The following HYCC2 variants were observed in gnomAD, a reference collection of about 807,000 sequenced individuals.
HYCC2 encodes hyccin 2.
the HYCC2 span, chr2:201,063,481 T>C: frequency 3.1e-6 from 5 of 1,591,990 alleles, no homozygotes; most frequent in Admixed American, 6.7e-5. Context: ...ATGGAAAAAT[T>C]GAAGTGATTG....
At chr2:201,055,116 G>A in the HYCC2 span, among the ~76,000 whole-genome samples, 1 of 152,170 alleles carries the variant, frequency 6.6e-6, no homozygotes, top group Non-Finnish European at 1.5e-5. Context: ...AACTGACACA[G>A]TTCATAATAA....
chr2:201,056,617 T>G, the HYCC2 span, among the ~76,000 whole-genome samples: 2 of 145,294 alleles, frequency 1.4e-5, no homozygotes, highest in African/African-American at 2.6e-5. Context: ...GAGGTTGCGG[T>G]GAGCAAAGAT....
chr2:201,070,444 G>A, the HYCC2 span, among the ~76,000 whole-genome samples: 1 of 151,968 alleles, frequency 6.6e-6, no homozygotes, highest in Non-Finnish European at 1.5e-5. Flanking sequence ...TCTGACGTCC[G>A]GAGTTCGAGA....
chr2:201,049,353 C>A, the HYCC2 span, among the ~76,000 whole-genome samples: 1 of 151,880 alleles, frequency 6.6e-6, no homozygotes, highest in South Asian at 2.1e-4. Context: ...TTTCTTTTTT[C>A]TTTTCTTTTT....
the HYCC2 span, chr2:200,977,590 T>A: frequency 6.6e-6 from 1 of 152,142 alleles, no homozygotes; most frequent in African/African-American, 2.4e-5. Context: ...GGTAGTTATG[T>A]CTGTAATCCT....
chr2:200,985,244 T>A, the HYCC2 span, among the ~76,000 whole-genome samples: 1 of 149,692 alleles, frequency 6.7e-6, no homozygotes, highest in African/African-American at 2.4e-5. Context: ...AATTTTTTTA[T>A]TTTTTTTTAT....
chr2:201,013,494 AAAAG>A, the HYCC2 span, among the ~76,000 whole-genome samples: 5 of 151,720 alleles, frequency 3.3e-5, no homozygotes, highest in South Asian at 2.1e-4. Context: ...AAAAAAAAAA[AAAAG>A]AAAGAACAGC....
the HYCC2 span, among the ~76,000 whole-genome samples, chr2:201,049,375 A>T: frequency 2.0e-5 from 3 of 151,906 alleles, no homozygotes; most frequent in Non-Finnish European, 4.4e-5. Flanking sequence ...TTTGAGACGG[A>T]GTCTCGCTCT....
At chr2:200,983,188 T>C in the HYCC2 span, among the ~76,000 whole-genome samples, 1 of 152,230 alleles carries the variant, frequency 6.6e-6, no homozygotes, top group Non-Finnish European at 1.5e-5. Flanking sequence ...AAGTAATACA[T>C]TTGCTTCTTT....
At chr2:201,036,021 G>A in the HYCC2 span, among the ~76,000 whole-genome samples, 2 of 152,104 alleles carry the variant, frequency 1.3e-5, no homozygotes, top group Non-Finnish European at 2.9e-5. Flanking sequence ...TACTGGGGGG[G>A]TGCCTCCAAA....
At chr2:200,978,453 T>A in the HYCC2 span, 1 of 144,020 alleles carries the variant, frequency 6.9e-6, no homozygotes, top group East Asian at 2.1e-4. Context: ...AATAAAATCC[T>A]CTAAGATGAA....
the HYCC2 span, among the ~76,000 whole-genome samples, chr2:201,021,137 T>C: frequency 6.6e-6 from 1 of 152,194 alleles, no homozygotes; most frequent in Non-Finnish European, 1.5e-5. Flanking sequence ...GTAACCTAAA[T>C]AGTATGTTTG....
chr2:201,001,485 A>C, the HYCC2 span, among the ~76,000 whole-genome samples: 1 of 152,346 alleles, frequency 6.6e-6, no homozygotes, highest in Middle Eastern at 3.4e-3. Context: ...GTATATCCAC[A>C]CAATGAAATA....
the HYCC2 span, chr2:200,974,586 C>T: frequency 6.6e-6 from 1 of 151,872 alleles, no homozygotes; most frequent in East Asian, 1.9e-4. Flanking sequence ...AACAAACCCC[C>T]CCAAACCCAA....
chr2:201,060,646 AT>A, the HYCC2 span, among the ~76,000 whole-genome samples: 12 of 151,946 alleles, frequency 7.9e-5, no homozygotes, highest in African/African-American at 2.9e-4. Flanking sequence ...CTACGTCTGA[AT>A]TTTTTTTACC....
chr2:201,065,470 T>C, the HYCC2 span, among the ~76,000 whole-genome samples: 1 of 152,250 alleles, frequency 6.6e-6, no homozygotes, highest in Admixed American at 6.5e-5. Context: ...CTGCAATTGT[T>C]GGCTTGTATA....
At chr2:201,068,511 T>C in the HYCC2 span, among the ~76,000 whole-genome samples, 1 of 152,128 alleles carries the variant, frequency 6.6e-6, no homozygotes, top group Non-Finnish European at 1.5e-5. Context: ...GGAATTTGTT[T>C]CCAAAATACA....
the HYCC2 span, among the ~76,000 whole-genome samples, chr2:201,049,435 C>T: frequency 6.6e-6 from 1 of 152,108 alleles, no homozygotes; most frequent in South Asian, 2.1e-4. Flanking sequence ...CTGCAACCTC[C>T]GCCTCCCGGG....
the HYCC2 span, chr2:200,981,787 C>A: frequency 6.2e-7 from 1 of 1,614,030 alleles, no homozygotes. The surrounding 1 kb of genome is among the most constrained non-coding windows in gnomAD (Gnocchi z 4.5). Flanking sequence ...AATTGGCTGA[C>A]TGCTGAGGGA....
Sources: gnomAD v4.1 joint callset for allele counts (sites outside exome capture counted in the v4.1 genomes callset) on GRCh38, gnomAD v4.1.1 for gene constraint, Gnocchi (gnomAD v3.1) non-coding constraint, MANE v1.5 for transcripts, NCBI Gene and HGNC (gene_info 2026-07-23, HGNC 2026-07-21) for gene names.